Variants in DLG2 observed in about 807,000 individuals in gnomAD.
The protein encoded by DLG2 is disks large homolog 2.
Under a neutral mutation model 132.5 loss-of-function variants are expected in DLG2, and 45 were observed. The observed-to-expected ratio is 0.34, with a 90% CI of 0.27 to 0.44. The LOEUF (loss-of-function observed/expected upper bound fraction) is 0.44, where lower values mean the gene tolerates loss of function less well. Among genes scored for constraint, DLG2 ranks in the 20% least tolerant of loss-of-function variants. DLG2 has a pLI of 1.00. For synonymous variants in DLG2, 424 were observed against 419.6 expected, an observed-to-expected ratio of 1.01 and a Z score of -0.13; for missense variants, 1,045 against 1,196.9, an observed-to-expected ratio of 0.87 and a Z score of 1.87.
At chr11:84,410,571 AAAC>A (rs1221746322) in intron 7 of DLG2, among the ~76,000 whole-genome samples, 10 of 149,386 alleles carry the variant, frequency 6.7e-5, no homozygotes, top group African/African-American at 2.5e-4. Flanking sequence ...AAAACCACAT[AAAC>A]TTTTTTTTTT....
chr11:84,269,803 G>A (rs2097696047), intron 7 of DLG2, among the ~76,000 whole-genome samples: 2 of 152,166 alleles, frequency 1.3e-5, no homozygotes, highest in African/African-American at 2.4e-5. Context: ...CTGTGTGAAT[G>A]TTTTTATGAA....
chr11:85,015,412 TAAA>T (rs5793152), intron 6 of DLG2, among the ~76,000 whole-genome samples: 17 of 141,586 alleles, frequency 1.2e-4, no homozygotes, highest in African/African-American at 3.6e-4. Context: ...CAGTGTTATT[TAAA>T]AAAAAAAAAA....
At chr11:84,151,745 C>T (rs975013184) in intron 9 of DLG2, among the ~76,000 whole-genome samples, 2 of 152,194 alleles carry the variant, frequency 1.3e-5, no homozygotes, top group Admixed American at 1.3e-4. Flanking sequence ...TATGTCACAG[C>T]TCTGTTTTCA....
intron 6 of DLG2, among the ~76,000 whole-genome samples, chr11:85,009,111 G>GTAA (rs2058937965): frequency 6.6e-6 from 1 of 151,980 alleles, no homozygotes; most frequent in Non-Finnish European, 1.5e-5. Context: ...AGAGGAAAAG[G>GTAA]TAAGGTCAAG....
chr11:84,664,371 G>C (rs561556246), intron 6 of DLG2, among the ~76,000 whole-genome samples: 61 of 152,156 alleles, frequency 4.0e-4, no homozygotes, highest in Middle Eastern at 6.8e-3. Context: ...TAATTACAAA[G>C]TCATGGAATA....
chr11:85,081,246 G>A (rs1373720388), intron 6 of DLG2, among the ~76,000 whole-genome samples: 1 of 152,182 alleles, frequency 6.6e-6, no homozygotes, highest in Non-Finnish European at 1.5e-5. Context: ...CATGGGAATA[G>A]TGTGTCCGGC....
chr11:84,848,353 G>C (rs1026387231), intron 6 of DLG2, among the ~76,000 whole-genome samples: 2 of 151,992 alleles, frequency 1.3e-5, no homozygotes, highest in African/African-American at 4.8e-5. Context: ...AATTAGCCAG[G>C]CATGGTGGTG....
At chr11:83,948,108 G>A (rs79612249) in intron 14 of DLG2, among the ~76,000 whole-genome samples, 2,917 of 152,206 alleles carry the variant, frequency 0.019, 97 homozygotes, top group African/African-American at 0.066. Flanking sequence ...CAGCTATTTC[G>A]TTTTGCCTTC....
At chr11:83,866,809 G>A (rs1055925998) in intron 16 of DLG2, among the ~76,000 whole-genome samples, 1 of 152,074 alleles carries the variant, frequency 6.6e-6, no homozygotes, top group Non-Finnish European at 1.5e-5. Flanking sequence ...AGCCCTACAA[G>A]GTCAATACTA....
intron 7 of DLG2, among the ~76,000 whole-genome samples, chr11:84,322,159 A>G (rs970363095): frequency 6.6e-6 from 1 of 152,224 alleles, no homozygotes; most frequent in African/African-American, 2.4e-5. Flanking sequence ...TCTTTCAATG[A>G]TCACATCAAT....
At chr11:84,425,537 T>A (rs933256173) in intron 7 of DLG2, among the ~76,000 whole-genome samples, 4 of 152,154 alleles carry the variant, frequency 2.6e-5, no homozygotes, top group Admixed American at 6.5e-5. Flanking sequence ...ATTCTACATA[T>A]ACATAAAGAA....
At chr11:83,537,532 C>T (rs1436279060) in intron 20 of DLG2, among the ~76,000 whole-genome samples, 1 of 152,026 alleles carries the variant, frequency 6.6e-6, no homozygotes, top group Non-Finnish European at 1.5e-5. Context: ...GAGCATGGGA[C>T]AGCCAGGCGC....
At chr11:84,296,466 T>C (rs961816396) in intron 7 of DLG2, among the ~76,000 whole-genome samples, 3 of 152,146 alleles carry the variant, frequency 2.0e-5, no homozygotes, top group Admixed American at 1.3e-4. Flanking sequence ...AGTTGGGGTC[T>C]TGCCTGTAAC....
intron 15 of DLG2, among the ~76,000 whole-genome samples, chr11:83,921,524 C>T (rs983801977): frequency 5.3e-5 from 8 of 152,058 alleles, no homozygotes; most frequent in South Asian, 2.1e-4. Flanking sequence ...TCTGGAATAG[C>T]GCATAGCACC....
At chr11:84,872,314 G>A in intron 6 of DLG2, among the ~76,000 whole-genome samples, 1 of 152,074 alleles carries the variant, frequency 6.6e-6, no homozygotes, top group East Asian at 1.9e-4. Context: ...AATTAGTAGA[G>A]GAATATAAAA....
At chr11:84,914,358 A>G (rs1038382088) in intron 6 of DLG2, among the ~76,000 whole-genome samples, 4 of 152,226 alleles carry the variant, frequency 2.6e-5, no homozygotes, top group African/African-American at 7.2e-5. Context: ...CTCAAGAGCT[A>G]GGTTCCCCAA....
chr11:84,405,721 G>A (rs921486706), intron 7 of DLG2, among the ~76,000 whole-genome samples: 1 of 152,006 alleles, frequency 6.6e-6, no homozygotes, highest in African/African-American at 2.4e-5. Context: ...TACTAAGGGG[G>A]AAAAAAAGCT....
chr11:84,824,918 C>T (rs1380859371), intron 6 of DLG2, among the ~76,000 whole-genome samples: 2 of 151,882 alleles, frequency 1.3e-5, no homozygotes, highest in Non-Finnish European at 2.9e-5. Flanking sequence ...AGCATTTGTT[C>T]TCCACGAGAC....
At position 83,474,884 on chromosome 11, in the gene DLG2, T is replaced by C. The variant is rs561969252; in HGVS notation, c.2294-2107A>G. Among the ~76,000 whole-genome samples, 5 of 152,272 alleles carry C rather than the reference T, an allele frequency of 3.3e-5. No individual in the cohort carries two copies. The East Asian group carries it at 7.7e-4, about 23-fold the overall frequency. ...TCTGATGGAACGTTCTAAAGGCAAA[T>C]CTTTAATAAGATATTTGATGTCAGT... On this transcript the variant is annotated intron_variant, in intron 22 of 27. Transcript: ENST00000376104.
Sources: gnomAD v4.1 joint callset for allele counts (sites outside exome capture counted in the v4.1 genomes callset) on GRCh38, gnomAD v4.1.1 for gene constraint, MANE v1.5 for transcripts, NCBI Gene and HGNC (gene_info 2026-07-23, HGNC 2026-07-21) for gene names.